The following PIK3R3 variants were observed in gnomAD, a reference collection of about 807,000 sequenced individuals.
The protein encoded by PIK3R3 is phosphatidylinositol 3-kinase regulatory subunit gamma.
A neutral mutation model predicts 62.9 loss-of-function variants in PIK3R3; 64 were observed. That is an observed-to-expected ratio of 1.02 (90% confidence interval 0.83 to 1.25). The LOEUF is 1.25. Ranked by LOEUF, PIK3R3 falls within the 50% of genes most tolerant of loss-of-function variation. PIK3R3 has a pLI of 0.00. For synonymous variants in PIK3R3, 165 were observed against 189.0 expected, an observed-to-expected ratio of 0.87 and a Z score of 1.04; for missense variants, 614 against 561.6, an observed-to-expected ratio of 1.09 and a Z score of -0.94.
intron 1 of PIK3R3, among the ~76,000 whole-genome samples, chr1:46,089,284 G>A (rs1651380980): frequency 1.3e-5 from 2 of 151,950 alleles, no homozygotes; most frequent in African/African-American, 4.8e-5. Flanking sequence ...GGAGGATGAA[G>A]GGCAGTTTAG....
chr1:46,083,030 G>A (rs926416823), intron 1 of PIK3R3, among the ~76,000 whole-genome samples: 1 of 152,140 alleles, frequency 6.6e-6, no homozygotes, highest in Non-Finnish European at 1.5e-5. Context: ...AGTGAGCCGA[G>A]ATTGCACCAC....
the PIK3R3 span, among the ~76,000 whole-genome samples, chr1:46,144,064 G>A: frequency 0.8 from 121,811 of 152,056 alleles, 49,332 homozygotes; most frequent in Non-Finnish European, 0.86. Flanking sequence ...GCCATAGCTG[G>A]TAGGGCCTAG....
At chr1:46,084,653 A>T (rs1650901839) in intron 1 of PIK3R3, among the ~76,000 whole-genome samples, 1 of 152,222 alleles carries the variant, frequency 6.6e-6, no homozygotes, top group Non-Finnish European at 1.5e-5. Context: ...GTGCTATACA[A>T]AGCACTGCAC....
chr1:46,166,246 CAG>C, the PIK3R3 span, among the ~76,000 whole-genome samples: 5 of 150,560 alleles, frequency 3.3e-5, no homozygotes, highest in African/African-American at 4.9e-5. Context: ...TTTTCTGAGA[CAG>C]AGTCTCGCTC....
chr1:46,074,080 G>A (rs2149405531), intron 3 of PIK3R3, among the ~76,000 whole-genome samples: 1 of 147,410 alleles, frequency 6.8e-6, no homozygotes, highest in South Asian at 2.2e-4. Flanking sequence ...ACGAGGTCAG[G>A]AGATCGAGAT....
At chr1:46,067,779 G>A (rs1649141695) in intron 3 of PIK3R3, among the ~76,000 whole-genome samples, 1 of 152,168 alleles carries the variant, frequency 6.6e-6, no homozygotes, top group Non-Finnish European at 1.5e-5. Context: ...TATAGCTTTT[G>A]AAGAGCTATG....
intron 1 of PIK3R3, among the ~76,000 whole-genome samples, chr1:46,106,272 TTG>T (rs111313424): frequency 1.3e-5 from 2 of 151,356 alleles, no homozygotes; most frequent in African/African-American, 2.4e-5. Context: ...CCAGCTAATT[TTG>T]TGTGTGTGTG....
At chr1:46,102,168 G>A (rs1435209410) in intron 1 of PIK3R3, among the ~76,000 whole-genome samples, 1 of 151,584 alleles carries the variant, frequency 6.6e-6, no homozygotes, top group African/African-American at 2.4e-5. Flanking sequence ...TGTATTTTTA[G>A]TAGAGACGGG....
At chr1:46,133,110 G>A (rs1433589611), upstream of PIK3R3, 3 of 900,266 alleles carry the variant, frequency 3.3e-6, no homozygotes, top group Non-Finnish European at 4.0e-6. Context: ...CGCGCCCCAA[G>A]CGGGCCAATC....
upstream of PIK3R3, chr1:46,132,674 A>G: frequency 4.7e-6 from 6 of 1,285,570 alleles, no homozygotes; most frequent in Non-Finnish European, 6.1e-6. Context: ...CGGAGGGGAC[A>G]CCCTCCCCGC....
intron 7 of PIK3R3, among the ~76,000 whole-genome samples, chr1:46,050,186 T>C (rs1647240198): frequency 6.6e-6 from 1 of 151,678 alleles, no homozygotes; most frequent in Non-Finnish European, 1.5e-5. Flanking sequence ...GACAGACATA[T>C]TCTCTACATA....
chr1:46,129,023 A>G (rs1655334142), intron 1 of PIK3R3, among the ~76,000 whole-genome samples: 1 of 151,848 alleles, frequency 6.6e-6, no homozygotes, highest in African/African-American at 2.4e-5. Context: ...GTGAGCCAAG[A>G]TGGCGCCACT....
At chr1:46,093,628 G>A (rs968427522) in intron 1 of PIK3R3, among the ~76,000 whole-genome samples, 2 of 152,060 alleles carry the variant, frequency 1.3e-5, no homozygotes, top group Non-Finnish European at 2.9e-5. Context: ...GGTGGCTCAT[G>A]CATGTAATCC....
chr1:46,108,500 T>C (rs1304715727), intron 1 of PIK3R3, among the ~76,000 whole-genome samples: 1 of 152,224 alleles, frequency 6.6e-6, no homozygotes, highest in Non-Finnish European at 1.5e-5. Context: ...ACTATCCTGT[T>C]GGTAATTCAT....
intron 1 of PIK3R3, among the ~76,000 whole-genome samples, chr1:46,126,407 A>G (rs1655098116): frequency 6.6e-6 from 1 of 151,922 alleles, no homozygotes. Flanking sequence ...GCATGGTGGT[A>G]GGCACCTGTA....
the PIK3R3 span, among the ~76,000 whole-genome samples, chr1:46,171,422 A>C: frequency 6.6e-6 from 1 of 152,212 alleles, no homozygotes; most frequent in Non-Finnish European, 1.5e-5. Context: ...AGGGTTAAGC[A>C]CTGGGCAGAG....
the PIK3R3 span, among the ~76,000 whole-genome samples, chr1:46,142,985 G>A: frequency 6.8e-3 from 1,031 of 152,320 alleles, 11 homozygotes; most frequent in African/African-American, 0.024. Flanking sequence ...GTGGGCAAAC[G>A]ATCAAGAGTC....
intron 1 of PIK3R3, among the ~76,000 whole-genome samples, chr1:46,108,456 T>C (rs1653414015): frequency 6.6e-6 from 1 of 152,184 alleles, no homozygotes; most frequent in Non-Finnish European, 1.5e-5. Flanking sequence ...TTCATTCCAC[T>C]ACAAATTTAC....
intron 1 of PIK3R3, among the ~76,000 whole-genome samples, chr1:46,109,544 C>T (rs1047201801): frequency 2.6e-5 from 4 of 152,112 alleles, no homozygotes; most frequent in Non-Finnish European, 5.9e-5. Context: ...AGTACAGTGA[C>T]GCAATCTCAG....
Sources: allele counts gnomAD v4.1 joint callset (sites outside exome capture counted in the v4.1 genomes callset), GRCh38; gene constraint gnomAD v4.1.1; transcripts MANE v1.5; gene names NCBI Gene and HGNC (gene_info 2026-07-23, HGNC 2026-07-21).